ZNF736: variants seen among roughly 807,000 people sequenced by gnomAD.
ZNF736 encodes zinc finger protein 736.
In ZNF736, 6 loss-of-function variants were observed where a neutral mutation model predicts 11.7. The observed-to-expected ratio is 0.51, with a 90% CI of 0.28 to 1.01. The LOEUF is 1.01. Among genes scored for constraint, ZNF736 ranks in the 50% least tolerant of loss-of-function variants. ZNF736 has a pLI of 0.09. For missense variants in ZNF736, 444 were observed against 496.0 expected, an observed-to-expected ratio of 0.90 and a Z score of 1.00; for synonymous variants, 139 against 164.7, an observed-to-expected ratio of 0.84 and a Z score of 1.19.
chr7:64,333,348 C>T (rs75387070), intron 1 of ZNF736, among the ~76,000 whole-genome samples: 13,574 of 152,120 alleles, frequency 0.089, 985 homozygotes, highest in African/African-American at 0.19. Context: ...TTTAATAAGC[C>T]GTGAAAAAAT....
At chr7:64,329,466 TA>T in intron 1 of ZNF736, among the ~76,000 whole-genome samples, 1 of 152,276 alleles carries the variant, frequency 6.6e-6, no homozygotes, top group South Asian at 2.1e-4. Context: ...ATATCTGCAT[TA>T]GGGGGCACCC....
rs530274742 is a variant in ZNF736, at chr7:64,323,406, A to G, written c.3+9253A>G. Among the ~76,000 whole-genome samples, 11 of 148,088 alleles carry G rather than the reference A, an allele frequency of 7.4e-5. No individual in the cohort carries two copies. The South Asian group carries it at 1.3e-3, about 17-fold the overall frequency. ...ATGTTTTAAAAATTTATTTTTTTCA[A>G]TTAAACTTAAGCAGTATATTGTTTT... is the stretch of plus-strand genomic sequence containing the variant. On this transcript the variant is annotated intron_variant, in intron 1 of 3. Coordinates refer to ENST00000423484, the MANE Select transcript of ZNF736 (RefSeq NM_001170905.3).
At chr7:64,343,055 C>T (rs1584275267) in intron 3 of ZNF736, among the ~76,000 whole-genome samples, 2 of 152,060 alleles carry the variant, frequency 1.3e-5, no homozygotes, top group Admixed American at 1.3e-4. Flanking sequence ...CTCATCAAAG[C>T]TTTTTATGAA....
Position 64,314,145 on chromosome 7 carries a change from T to C in ZNF736, c.-6T>C. The C allele has an allele frequency of 6.4e-7, 1 of 1,552,152 alleles. No homozygotes were observed. Among genetic ancestry groups the C allele is most frequent in the East Asian group, 2.4e-5 (1 of 40,942 alleles). On this transcript the variant is annotated 5_prime_UTR_variant, in exon 1 of 4. Coordinates refer to ENST00000423484, the MANE Select transcript of ZNF736 (RefSeq NM_001170905.3). ...GGAGGACGGCGGAACATCTGGAGGC[T>C]GGGAAATGGTGAGTGCGTGGAGTGG...
chr7:64,348,417 TC>T lies in ZNF736; in HGVS notation c.555del (p.Ser186GlnfsTer12). 1 of 1,550,560 alleles carries T rather than the reference TC, an allele frequency of 6.4e-7. No homozygotes were observed. Among genetic ancestry groups the T allele is most frequent in the Non-Finnish European group, 8.7e-7 (1 of 1,146,838 alleles). On this transcript the variant is annotated frameshift_variant, in exon 4 of 4. Transcript: ENST00000423484. LOFTEE classifies it low-confidence loss of function (END_TRUNC). Reference sequence around the variant, plus strand: ...GAATGTGGCAAAGACTGTAGGTTGTTCTCAGATTTTACTAGACATAAGAAAA... The same window carrying T: ...GAATGTGGCAAAGACTGTAGGTTGTTTCAGATTTTACTAGACATAAGAAAA... ...CEECGKDCRL[F>X]SDFTRHKKIH...
Position 64,336,310 on chromosome 7 carries a change from G to A in ZNF736, c.55G>A (p.Glu19Lys). ...VAVEFSPEEW[E>K]CLDSAQQRLY... ...TGTAGAATTCTCCCCAGAAGAGTGG[G>A]AATGCCTGGACTCTGCTCAGCAGCG... Residue 19 changes from glutamate to lysine, a missense_variant, in exon 2 of 4, where the codon GAA becomes AAA. Transcript: ENST00000423484. 2.5e-6 allele frequency: 4 copies of A among 1,613,606 alleles called. No homozygotes were observed. The African/African-American group carries it at 5.3e-5, about 22-fold the overall frequency.
intron 1 of ZNF736, among the ~76,000 whole-genome samples, chr7:64,326,295 G>A (rs1367793567): frequency 6.6e-6 from 1 of 152,144 alleles, no homozygotes; most frequent in African/African-American, 2.4e-5. Flanking sequence ...TCTGCAGGCA[G>A]AATATTTATC....
rs759132523 is a variant in ZNF736 at position 64,349,137 on chromosome 7, A to G, written c.1274A>G (p.His425Arg). ...AGAATTCATACTAGAGAGAAGCTCC[A>G]CAAGTGTTAAAAATGTGGAAAAGCC... ...HKRIHTREKL[H>R]KC The change falls in exon 4 of 4, where the codon CAC (histidine) becomes CGC (arginine). Residue 425 changes from histidine (H) to arginine (R), a missense_variant. His to Arg is a conservative substitution (Grantham distance 29). Coordinates refer to ENST00000423484, the MANE Select transcript of ZNF736 (RefSeq NM_001170905.3). 6.5e-7 allele frequency: 1 copy of G among 1,532,728 alleles called. No homozygotes were observed. The highest frequency in any genetic ancestry group is 1.2e-5 in the South Asian group (1 of 80,084). The allele number at this position is 1,532,728 out of a possible 1,614,324, so 94.9% of individuals were successfully genotyped here.
chr7:64,318,047 A>G (rs548341266), intron 1 of ZNF736, among the ~76,000 whole-genome samples: 27 of 152,076 alleles, frequency 1.8e-4, no homozygotes, highest in African/African-American at 6.3e-4. Context: ...ATCTTAATTT[A>G]TAGTGAAAGC....
chr7:64,337,187 A>AAT (rs1482359370), intron 3 of ZNF736: 10 of 553,554 alleles, frequency 1.8e-5, no homozygotes, highest in Non-Finnish European at 3.2e-5. Flanking sequence ...CCCCTTCAGT[A>AAT]ATGTGTGTGT....
At position 64,346,977 on chromosome 7, in the gene ZNF736, T is replaced by A. The variant is rs561824580; in HGVS notation, c.227-1113T>A. On this transcript the variant is annotated intron_variant, in intron 3 of 3. Transcript: ENST00000423484. ...ACATAATTTTTACATCTCCTTTTTT[T>A]AATAATTGATTTCTGGATATTCTTT... 2.1e-4 allele frequency among the ~76,000 whole-genome samples: 32 copies of A among 152,130 alleles called. No individual in the cohort carries two copies. The South Asian group carries it at 6.4e-3, about 31-fold the overall frequency.
chr7:64,314,695 G>A (rs1788886696), intron 1 of ZNF736, among the ~76,000 whole-genome samples: 1 of 152,138 alleles, frequency 6.6e-6, no homozygotes, highest in Non-Finnish European at 1.5e-5. Context: ...CCCCCAAGTA[G>A]CTAGGACTAG....
At chr7:64,320,085 C>G (rs2115873320) in intron 1 of ZNF736, among the ~76,000 whole-genome samples, 1 of 152,294 alleles carries the variant, frequency 6.6e-6, no homozygotes, top group South Asian at 2.1e-4. Flanking sequence ...GATACCTGAA[C>G]TAGTGACTAA....
In ZNF736 at chr7:64,349,078, A is replaced by G. The variant is rs769106811; in HGVS notation, c.1215A>G (p.Ala405=). Residue 405 remains alanine, a synonymous_variant, in exon 4 of 4, where the codon GCA becomes GCG. Transcript: ENST00000423484. ...KPYKCEECGK[A]SSWFSHLIRH... ...ACAAATGTGAAGAATGTGGCAAAGC[A>G]TCGAGCTGGTTCTCACACCTCATCA... 5.0e-6 allele frequency: 8 copies of G among 1,602,386 alleles called. No individual in the cohort carries two copies. Among genetic ancestry groups the G allele is most frequent in the South Asian group, 2.2e-5 (2 of 89,382 alleles).
At position 64,348,282 on chromosome 7, in the gene ZNF736, C is replaced by T; in HGVS notation, c.419C>T (p.Thr140Ile). ...YNGLHQCLSA[T>I]HSKTCQCNKC... Reference sequence around the variant, plus strand: ...GGCCTTCATCAATGTTTGTCAGCTACCCATAGCAAAACCTGTCAATGTAAT... The same window carrying T: ...GGCCTTCATCAATGTTTGTCAGCTATCCATAGCAAAACCTGTCAATGTAAT... Residue 140 changes from threonine (T) to isoleucine (I), a missense_variant, in exon 4 of 4, where the codon ACC becomes ATC. Physicochemically the swap from Thr to Ile is moderately conservative, Grantham distance 89 (BLOSUM62 -1). Coordinates refer to ENST00000423484, the MANE Select transcript of ZNF736 (RefSeq NM_001170905.3). 6.4e-7 allele frequency: 1 copy of T among 1,551,868 alleles called. No individual in the cohort carries two copies. The highest frequency in any genetic ancestry group is 8.7e-7 in the Non-Finnish European group (1 of 1,146,902).
chr7:64,317,741 G>C (rs1788937280), intron 1 of ZNF736, among the ~76,000 whole-genome samples: 1 of 151,978 alleles, frequency 6.6e-6, no homozygotes, highest in Non-Finnish European at 1.5e-5. Context: ...CAAGATTTCT[G>C]TAAACCTTTT....
chr7:64,349,639 G>A lies in ZNF736; in HGVS notation c.*492G>A, dbSNP rs763396663. On this transcript the variant is annotated 3_prime_UTR_variant, in exon 4 of 4. Transcript: ENST00000423484. ...CTGGCTATTTTGCACATTTGTTTCTGTGGTTGCTTTATAGTGTCCACAGTT... is the reference window on the plus strand; with the variant it reads ...CTGGCTATTTTGCACATTTGTTTCTATGGTTGCTTTATAGTGTCCACAGTT... The A allele has an allele frequency of 6.5e-6, 1 of 154,362 alleles. No homozygotes were observed. Among genetic ancestry groups the A allele is most frequent in the Non-Finnish European group, 1.4e-5 (1 of 69,580 alleles). The allele number at this position is 154,362 out of a possible 1,614,324, so 9.6% of individuals were successfully genotyped here. A position where few individuals can be genotyped will look rare whatever the true frequency, so the allele number is the denominator to read the frequency against.
intron 1 of ZNF736, among the ~76,000 whole-genome samples, chr7:64,328,574 C>T (rs1365763363): frequency 6.6e-6 from 1 of 152,044 alleles, no homozygotes; most frequent in Admixed American, 6.6e-5. Context: ...TCCTGGCTAA[C>T]ACGGTGAAAC....
intron 1 of ZNF736, among the ~76,000 whole-genome samples, chr7:64,319,364 T>C (rs1192841802): frequency 2.3e-5 from 3 of 129,534 alleles, no homozygotes; most frequent in African/African-American, 8.6e-5. Flanking sequence ...TATATATATA[T>C]ATATATATAT....
Sources: gnomAD v4.1 joint callset for allele counts (sites outside exome capture counted in the v4.1 genomes callset) on GRCh38, gnomAD v4.1.1 for gene constraint, MANE v1.5 for transcripts, NCBI Gene and HGNC (gene_info 2026-07-23, HGNC 2026-07-21) for gene names.